C1orf105: variants seen among roughly 807,000 people sequenced by gnomAD.
The protein encoded by C1orf105 is uncharacterized protein C1orf105.
Under a neutral mutation model 20.8 loss-of-function variants are expected in C1orf105, and 17 were observed. The observed-to-expected ratio is 0.82, with a 90% confidence interval of 0.56 to 1.23. The LOEUF (loss-of-function observed/expected upper bound fraction) is 1.23, where lower values mean the gene tolerates loss of function less well. C1orf105 is among the 50% of genes most tolerant of loss of function. The pLI is 0.00. For missense variants in C1orf105, 219 were observed against 213.5 expected, an observed-to-expected ratio of 1.03 and a Z score of -0.16; for synonymous variants, 72 against 72.1, an observed-to-expected ratio of 1.00 and a Z score of 0.01.
At position 172,433,452 on chromosome 1, in the gene C1orf105, C is replaced by T. The variant is rs150385904; in HGVS notation, c.22-11621C>T. Among the ~76,000 whole-genome samples, 1,165 of 152,298 alleles carry T rather than the reference C, an allele frequency of 7.6e-3. 9 individuals are homozygous for T. The highest frequency in any genetic ancestry group is 0.012 in the Non-Finnish European group (795 of 68,008). On this transcript the variant is annotated intron_variant, in intron 1 of 6. Transcript: ENST00000367727. ...GAAGAGAGTGGGGGCCAATATTCAA[C>T]ATTCTTAAACAAAAGAATTTTCAAC...
chr1:172,450,133 G>A (rs1648453244), intron 3 of C1orf105, among the ~76,000 whole-genome samples: 1 of 152,212 alleles, frequency 6.6e-6, no homozygotes. Flanking sequence ...CAGCTGCGCA[G>A]CCCAAAGGGC....
intron 2 of C1orf105, among the ~76,000 whole-genome samples, chr1:172,446,017 T>G (rs1647961490): frequency 6.6e-6 from 1 of 152,158 alleles, no homozygotes. Context: ...CATAAGCAAA[T>G]TCCCATCACT....
intron 5 of C1orf105, among the ~76,000 whole-genome samples, chr1:172,464,154 G>C (rs1649884481): frequency 6.6e-6 from 1 of 152,230 alleles, no homozygotes; most frequent in African/African-American, 2.4e-5. Flanking sequence ...AGGAAGAGAG[G>C]GAGAAAAGAT....
rs1647671025 is a variant in C1orf105, at chr1:172,444,034, CT to C, written c.22-1034del. 8.0e-6 allele frequency: 8 copies of C among 999,942 alleles called. No homozygotes were observed. The Admixed American group carries it at 4.3e-4, about 54-fold the overall frequency. 61.9% of individuals were successfully genotyped at this position (999,942 alleles called of 1,614,324 possible). ...CAGCTGGGGGACGGCGGCACCCAGC[CT>C]TTTTCCCGCTTCGGGGCGCCGGGGC... On this transcript the variant is annotated intron_variant, in intron 1 of 6. Coordinates refer to ENST00000367727, the MANE Select transcript of C1orf105 (RefSeq NM_139240.4).
intron 3 of C1orf105, chr1:172,452,772 C>T (rs1192825482): frequency 7.5e-7 from 1 of 1,325,768 alleles, no homozygotes; most frequent in Non-Finnish European, 9.7e-7. Context: ...TGCTGTCACT[C>T]TCCTGTCACA....
chr1:172,444,394 C>A, intron 1 of C1orf105: 1 of 697,530 alleles, frequency 1.4e-6, no homozygotes, highest in Non-Finnish European at 1.8e-6. Flanking sequence ...ACTTCCCGTG[C>A]ATCCATGCGT....
At chr1:172,452,910 T>C in intron 3 of C1orf105, 1 of 1,501,106 alleles carries the variant, frequency 6.7e-7, no homozygotes, top group Non-Finnish European at 8.9e-7. Flanking sequence ...TCCCTCTCCA[T>C]TCCTGTTATT....
chr1:172,445,061 A>G lies in C1orf105; in HGVS notation c.22-12A>G, dbSNP rs776479388. ...TGATATATTCTGTAAAATGTTCTCT[A>G]TTTCCCTCTAGGCTTCTGTTCCAAA... On this transcript the variant is annotated splice_polypyrimidine_tract_variant and intron_variant, in intron 1 of 6. Coordinates refer to ENST00000367727, the MANE Select transcript of C1orf105 (RefSeq NM_139240.4). 47 of 1,602,496 alleles carry G rather than the reference A, an allele frequency of 2.9e-5. No individual in the cohort carries two copies. The East Asian group carries it at 5.6e-4, about 19-fold the overall frequency.
intron 1 of C1orf105, 47 bp from the exon 2 acceptor site, chr1:172,445,026 T>A (rs748811723): frequency 1.4e-6 from 2 of 1,466,254 alleles, no homozygotes; most frequent in Non-Finnish European, 1.9e-6. Flanking sequence ...ATGATAGCAA[T>A]GTTTAAGTGT....
chr1:172,441,837 T>A (rs774372183), intron 1 of C1orf105: 2 of 1,613,996 alleles, frequency 1.2e-6, no homozygotes, highest in South Asian at 2.2e-5. Flanking sequence ...GACACAGACA[T>A]GAGATAGACA....
At chr1:172,430,790 G>A (rs2071850728) in intron 1 of C1orf105, among the ~76,000 whole-genome samples, 1 of 152,174 alleles carries the variant, frequency 6.6e-6, no homozygotes, top group African/African-American at 2.4e-5. Flanking sequence ...CTTGTGTTAA[G>A]CAAGTCTGTC....
chr1:172,425,963 T>C (rs919770224), intron 1 of C1orf105, among the ~76,000 whole-genome samples: 1 of 151,816 alleles, frequency 6.6e-6, no homozygotes, highest in African/African-American at 2.4e-5. Flanking sequence ...TCCCAGCCTG[T>C]GTCAATCATC....
At chr1:172,433,738 A>G in intron 1 of C1orf105, among the ~76,000 whole-genome samples, 1 of 152,228 alleles carries the variant, frequency 6.6e-6, no homozygotes, top group East Asian at 1.9e-4. Context: ...TGCAGGATCA[A>G]ATTAACACAT....
chr1:172,454,562 C>T (rs1649026311), intron 3 of C1orf105, among the ~76,000 whole-genome samples: 1 of 152,220 alleles, frequency 6.6e-6, no homozygotes, highest in Admixed American at 6.5e-5. Flanking sequence ...TCCCACCAGA[C>T]AACCTGTCCA....
intron 4 of C1orf105, among the ~76,000 whole-genome samples, chr1:172,461,301 C>G (rs1304012326): frequency 6.6e-6 from 1 of 152,076 alleles, no homozygotes; most frequent in Non-Finnish European, 1.5e-5. Flanking sequence ...TCAAGCACCT[C>G]TAAAGGTCCT....
At chr1:172,442,803 T>C (rs1372884498) in intron 1 of C1orf105, 3 of 589,204 alleles carry the variant, frequency 5.1e-6, no homozygotes, top group Non-Finnish European at 9.2e-6. Context: ...TGAATTTGTC[T>C]CTGAGGCAGG....
rs189172505 is a variant in C1orf105 at position 172,458,145 on chromosome 1, C to T, written c.273+1656C>T. Among the ~76,000 whole-genome samples the T allele has an allele frequency of 1.1e-3, 164 of 152,306 alleles. 1 individual carries two copies. Among genetic ancestry groups the T allele is most frequent in the African/African-American group, 3.8e-3 (156 of 41,574 alleles). On this transcript the variant is annotated intron_variant, in intron 4 of 6. Transcript: ENST00000367727. The stretch of plus-strand genomic sequence containing the variant: ...CTACTTAATGGTAAAAGACTGGATA[C>T]TTTCCCCTAAGATTAGAAACAGGGC...
chr1:172,448,650 A>G, intron 3 of C1orf105, 119 bp downstream of exon 3: 1 of 612,554 alleles, frequency 1.6e-6, no homozygotes. Flanking sequence ...AATGTTCAAT[A>G]AATATTTGTT....
intron 4 of C1orf105, among the ~76,000 whole-genome samples, chr1:172,457,093 A>G (rs964866982): frequency 3.9e-5 from 6 of 152,208 alleles, no homozygotes; most frequent in Admixed American, 6.5e-5. Context: ...CTGCCATGCC[A>G]TCTATCACAG....
Sources: allele counts gnomAD v4.1 joint callset (sites outside exome capture counted in the v4.1 genomes callset), GRCh38; gene constraint gnomAD v4.1.1; transcripts MANE v1.5; gene names NCBI Gene and HGNC (gene_info 2026-07-23, HGNC 2026-07-21).